SOX6: variants seen among roughly 807,000 people sequenced by gnomAD.
SOX6 encodes the protein transcription factor SOX-6.
In SOX6, 11 loss-of-function variants were observed where a neutral mutation model predicts 97.8. The ratio of observed to expected loss-of-function variants is 0.11; its 90% CI spans 0.07 to 0.19. The LOEUF is 0.19. Among genes scored for constraint, SOX6 ranks in the 10% least tolerant of loss-of-function variants. The probability of loss-of-function intolerance (pLI) is 1.00; values close to 1 mark genes in which losing one functional copy is unlikely to be tolerated. For synonymous variants in SOX6, 360 were observed against 371.4 expected, an observed-to-expected ratio of 0.97 and a Z score of 0.35; for missense variants, 810 against 1,039.5, an observed-to-expected ratio of 0.78 and a Z score of 3.04.
At chr11:16,155,620 G>C (rs982916838) in intron 6 of SOX6, among the ~76,000 whole-genome samples, 2 of 152,028 alleles carry the variant, frequency 1.3e-5, no homozygotes, top group African/African-American at 2.4e-5. Context: ...ATGTATTACA[G>C]TATCTAGTAC....
chr11:16,246,782 G>A (rs1853347688), intron 3 of SOX6, among the ~76,000 whole-genome samples: 4 of 151,764 alleles, frequency 2.6e-5, no homozygotes, highest in Admixed American at 2.6e-4. Flanking sequence ...TCATTATTAT[G>A]GGCACATAAT....
chr11:16,346,024 T>C (rs1467272155), intron 1 of SOX6, among the ~76,000 whole-genome samples: 1 of 151,980 alleles, frequency 6.6e-6, no homozygotes, highest in Non-Finnish European at 1.5e-5. Flanking sequence ...GTTACATTTA[T>C]TCAAAAAAAG....
At chr11:16,630,245 C>A (rs1203463591) in intron 3 of SOX6, among the ~76,000 whole-genome samples, 1 of 152,086 alleles carries the variant, frequency 6.6e-6, no homozygotes, top group African/African-American at 2.4e-5. Flanking sequence ...ACTTTCCTTT[C>A]AACATTGCTT....
At chr11:16,724,726 C>T (rs547716427) in intron 2 of SOX6, among the ~76,000 whole-genome samples, 6 of 152,280 alleles carry the variant, frequency 3.9e-5, no homozygotes, top group African/African-American at 1.4e-4. Flanking sequence ...GACTTTAGTG[C>T]ATGTGTGTGT....
intron 4 of SOX6, among the ~76,000 whole-genome samples, chr11:16,527,946 A>G (rs1590234271): frequency 6.6e-6 from 1 of 152,286 alleles, no homozygotes; most frequent in South Asian, 2.1e-4. Flanking sequence ...TAACAACCTC[A>G]AAATCTTAGT....
chr11:16,183,798 CAG>C (rs1851402038), intron 6 of SOX6, 86 bp downstream of exon 6: 2 of 1,175,316 alleles, frequency 1.7e-6, no homozygotes, highest in Non-Finnish European at 2.5e-6. Flanking sequence ...GTTTATAAGA[CAG>C]GGGTACATCT....
chr11:16,493,631 G>C (rs1860545091), intron 4 of SOX6, among the ~76,000 whole-genome samples: 1 of 152,002 alleles, frequency 6.6e-6, no homozygotes, highest in Admixed American at 6.6e-5. Flanking sequence ...TTTTGTATTT[G>C]GGTATTATAT....
intron 4 of SOX6, among the ~76,000 whole-genome samples, chr11:16,210,156 T>A (rs987845824): frequency 2.0e-5 from 3 of 151,916 alleles, no homozygotes; most frequent in African/African-American, 4.8e-5. Context: ...CCAAAAGGAA[T>A]AAAAACATAT....
At chr11:16,020,309 C>T (rs1029434848) in intron 12 of SOX6, among the ~76,000 whole-genome samples, 11 of 152,074 alleles carry the variant, frequency 7.2e-5, no homozygotes, top group African/African-American at 2.7e-4. Flanking sequence ...TTCATGCCCA[C>T]ACACCTATCT....
chr11:16,177,381 A>G (rs1465857489), intron 6 of SOX6, among the ~76,000 whole-genome samples: 1 of 151,968 alleles, frequency 6.6e-6, no homozygotes, highest in Non-Finnish European at 1.5e-5. Flanking sequence ...TTAGAGAACT[A>G]TCTTCATAAT....
intron 1 of SOX6, among the ~76,000 whole-genome samples, chr11:16,364,057 T>A (rs1411777797): frequency 6.6e-6 from 1 of 152,164 alleles, no homozygotes; most frequent in Non-Finnish European, 1.5e-5. Flanking sequence ...AGAAAGTATA[T>A]AATGCTACTG....
intron 3 of SOX6, among the ~76,000 whole-genome samples, chr11:16,241,971 T>C (rs1853208153): frequency 6.6e-6 from 1 of 152,084 alleles, no homozygotes; most frequent in Admixed American, 6.6e-5. Context: ...AATACATTCC[T>C]ATTAATTTGA....
intron 3 of SOX6, among the ~76,000 whole-genome samples, chr11:16,661,481 T>C (rs1394878117): frequency 6.6e-6 from 1 of 152,238 alleles, no homozygotes; most frequent in Non-Finnish European, 1.5e-5. Context: ...GTAACCATTT[T>C]CTATGTGCTG....
chr11:16,371,587 G>A (rs915389408), intron 1 of SOX6, among the ~76,000 whole-genome samples: 4 of 152,060 alleles, frequency 2.6e-5, no homozygotes, highest in African/African-American at 4.8e-5. Flanking sequence ...CCTAGCAATA[G>A]TAAGTGCTCA....
At chr11:16,092,253 T>TG (rs1350233024) in intron 9 of SOX6, among the ~76,000 whole-genome samples, 4 of 152,000 alleles carry the variant, frequency 2.6e-5, no homozygotes, top group African/African-American at 7.2e-5. Flanking sequence ...AAAAGTGTTT[T>TG]GGGGGGGACA....
chr11:16,721,930 C>T lies in SOX6; in HGVS notation n.354-7025G>A, dbSNP rs991255562. ...CTTTGACAAAGCTGACAAAAACAAG[C>T]AATGGGGAAAAGACTCCCTATTCAA... On this transcript the variant is annotated intron_variant and non_coding_transcript_variant, in intron 2 of 5. Coordinates refer to the SOX6 transcript ENST00000524520. 3.3e-5 allele frequency among the ~76,000 whole-genome samples: 5 copies of T among 151,862 alleles called. No individual in the cohort carries two copies. The East Asian group carries it at 9.7e-4, about 29-fold the overall frequency.
chr11:16,375,391 A>G (rs1442183074), intron 1 of SOX6, among the ~76,000 whole-genome samples: 1 of 152,124 alleles, frequency 6.6e-6, no homozygotes. Flanking sequence ...GTTCAAGTTC[A>G]AGTAATTAGT....
intron 4 of SOX6, among the ~76,000 whole-genome samples, chr11:16,564,746 A>C (rs1847851072): frequency 6.6e-6 from 1 of 152,070 alleles, no homozygotes; most frequent in South Asian, 2.1e-4. Context: ...AATTTTTTTA[A>C]AAAAAGAAAC....
intron 3 of SOX6, among the ~76,000 whole-genome samples, chr11:16,308,678 T>C (rs561133533): frequency 6.6e-6 from 1 of 152,332 alleles, no homozygotes; most frequent in African/African-American, 2.4e-5. Flanking sequence ...GTAAAAATTA[T>C]TGTAAACCTG....
Sources: gnomAD v4.1 joint callset for allele counts (sites outside exome capture counted in the v4.1 genomes callset) on GRCh38, gnomAD v4.1.1 for gene constraint, MANE v1.5 for transcripts, NCBI Gene and HGNC (gene_info 2026-07-23, HGNC 2026-07-21) for gene names.